Variants in RBFOX1 observed in about 807,000 individuals in gnomAD.
RBFOX1 encodes RNA binding protein fox-1 homolog 1.
In RBFOX1, 8 loss-of-function variants were observed where a neutral mutation model predicts 57.7. The observed-to-expected ratio is 0.14, with a 90% CI of 0.08 to 0.25. The LOEUF is 0.25. Among genes scored for constraint, RBFOX1 ranks in the 10% least tolerant of loss-of-function variants. The probability of loss-of-function intolerance (pLI) is 1.00; values close to 1 mark genes in which losing one functional copy is unlikely to be tolerated. For missense variants in RBFOX1, 611 were observed against 548.5 expected (o/e 1.11, Z -1.14); for synonymous variants, 326 against 222.4 (o/e 1.47, Z -4.15).
chr16:5,462,264 G>A (rs1476964430), intron 1 of RBFOX1, among the ~76,000 whole-genome samples: 4 of 150,022 alleles, frequency 2.7e-5, no homozygotes, highest in Admixed American at 6.7e-5. Flanking sequence ...CGCCTCCCGG[G>A]TTCACGCCAT....
chr16:5,432,411 A>C (rs1436079061), intron 1 of RBFOX1, among the ~76,000 whole-genome samples: 1 of 152,094 alleles, frequency 6.6e-6, no homozygotes, highest in Non-Finnish European at 1.5e-5. Flanking sequence ...ATTTAACTAG[A>C]AGACGCACCC....
chr16:6,789,292 G>T (rs186780073), intron 3 of RBFOX1, among the ~76,000 whole-genome samples: 2 of 152,294 alleles, frequency 1.3e-5, no homozygotes, highest in Admixed American at 1.3e-4. Flanking sequence ...TACAGCAGTT[G>T]ATATTTATAG....
chr16:6,991,930 A>T (rs187759017), intron 3 of RBFOX1, among the ~76,000 whole-genome samples: 73 of 152,318 alleles, frequency 4.8e-4, no homozygotes, highest in Admixed American at 3.2e-3. Flanking sequence ...TTTCTGATTC[A>T]ATCAATAGGG....
At position 6,947,170 on chromosome 16, in the gene RBFOX1, C is replaced by G. The variant is rs902353816; in HGVS notation, c.-15-104887C>G. Reference sequence around the variant, plus strand: ...TGTTCAAGGTCCAATAAATCACTGGCTGTGATTTCAACTCTTTATGTGAAG... The same window carrying G: ...TGTTCAAGGTCCAATAAATCACTGGGTGTGATTTCAACTCTTTATGTGAAG... On this transcript the variant is annotated intron_variant, in intron 3 of 15. Transcript: ENST00000550418. Among the ~76,000 whole-genome samples, 30 of 152,136 alleles carry G rather than the reference C, an allele frequency of 2.0e-4. 1 individual carries two copies. The highest frequency in any genetic ancestry group is 7.9e-4 in the Admixed American group (12 of 15,268).
At position 5,559,068 on chromosome 16, in the gene RBFOX1, G is replaced by A. The variant is rs190995369; in HGVS notation, c.259-39834G>A. 1.0e-3 allele frequency among the ~76,000 whole-genome samples: 152 copies of A among 147,768 alleles called. 1 individual carries two copies. The highest frequency in any genetic ancestry group is 3.6e-3 in the African/African-American group (145 of 39,914). On this transcript the variant is annotated intron_variant, in intron 2 of 2. Transcript: ENST00000585867. ...GTACAGAGCTGGGCTGGGGGGGTTTGCCTGAGGAAACCTGAGATTTTGATA... is the reference window on the plus strand; with the variant it reads ...GTACAGAGCTGGGCTGGGGGGGTTTACCTGAGGAAACCTGAGATTTTGATA...
chr16:7,609,011 GA>G (rs2056901601), intron 10 of RBFOX1, among the ~76,000 whole-genome samples: 1 of 152,204 alleles, frequency 6.6e-6, no homozygotes, highest in Non-Finnish European at 1.5e-5. Flanking sequence ...GGGACACACA[GA>G]ACATGGCATG....
At chr16:6,816,326 A>G (rs993654827) in intron 3 of RBFOX1, among the ~76,000 whole-genome samples, 4 of 152,316 alleles carry the variant, frequency 2.6e-5, no homozygotes, top group East Asian at 3.9e-4. Flanking sequence ...CATTCAGTCA[A>G]CAATCATTGT....
At chr16:6,939,369 C>T (rs1035986973) in intron 3 of RBFOX1, among the ~76,000 whole-genome samples, 16 of 149,084 alleles carry the variant, frequency 1.1e-4, no homozygotes, top group African/African-American at 3.8e-4. Context: ...TTTTAGGTAG[C>T]TTTATATATG....
At chr16:5,872,316 A>G (rs2151905144) in intron 4 of RBFOX1, among the ~76,000 whole-genome samples, 1 of 152,342 alleles carries the variant, frequency 6.6e-6, no homozygotes, top group East Asian at 1.9e-4. Context: ...TGATGGGTCC[A>G]CACTTGTGAG....
intron 1 of RBFOX1, among the ~76,000 whole-genome samples, chr16:6,071,353 A>G (rs1346191171): frequency 1.3e-5 from 2 of 152,194 alleles, no homozygotes; most frequent in Non-Finnish European, 2.9e-5. Flanking sequence ...AAGAAACGGT[A>G]ATGTAACCTT....
At chr16:5,772,676 G>A (rs1432694640) in intron 3 of RBFOX1, among the ~76,000 whole-genome samples, 1 of 152,210 alleles carries the variant, frequency 6.6e-6, no homozygotes, top group African/African-American at 2.4e-5. Context: ...GGGAGATAAG[G>A]AGAAACGATA....
At chr16:6,071,830 A>G (rs1258563439) in intron 1 of RBFOX1, among the ~76,000 whole-genome samples, 1 of 152,208 alleles carries the variant, frequency 6.6e-6, no homozygotes, top group Non-Finnish European at 1.5e-5. Flanking sequence ...AAGTAGAATC[A>G]TGCAATGTTT....
chr16:7,154,414 A>G (rs962698584), intron 4 of RBFOX1, among the ~76,000 whole-genome samples: 1 of 152,174 alleles, frequency 6.6e-6, no homozygotes, highest in Non-Finnish European at 1.5e-5. Flanking sequence ...GGAAGTTTGA[A>G]AGATATGGTC....
At chr16:5,753,230 T>G (rs1009022945) in intron 3 of RBFOX1, among the ~76,000 whole-genome samples, 2 of 152,096 alleles carry the variant, frequency 1.3e-5, no homozygotes, top group Non-Finnish European at 2.9e-5. Flanking sequence ...TCCTTTTTGA[T>G]GTAGCTAAGT....
At position 6,993,029 on chromosome 16, in the gene RBFOX1, A is replaced by G. The variant is rs182540547; in HGVS notation, c.-15-59028A>G. ...AATAGTTCTTGTCTGAATTTCTGAT[A>G]GATTTTAATTTCGCAGCTGGAGCCT... On this transcript the variant is annotated intron_variant, in intron 3 of 15. Transcript: ENST00000550418. 3.2e-4 allele frequency among the ~76,000 whole-genome samples: 48 copies of G among 152,296 alleles called. 2 individuals carry two copies. Among genetic ancestry groups the G allele is most frequent in the South Asian group, 2.3e-3 (11 of 4,826 alleles).
chr16:5,676,508 G>A (rs928939178), intron 3 of RBFOX1, among the ~76,000 whole-genome samples: 1 of 152,182 alleles, frequency 6.6e-6, no homozygotes, highest in African/African-American at 2.4e-5. Context: ...GTTTTTCCAT[G>A]TGCAAAATGC....
chr16:7,424,981 G>C (rs1362493005), intron 4 of RBFOX1, among the ~76,000 whole-genome samples: 1 of 152,192 alleles, frequency 6.6e-6, no homozygotes, highest in Non-Finnish European at 1.5e-5. Context: ...TTATCTTAGA[G>C]ATGGTATGAG....
chr16:7,000,596 C>CTTTTTTTTTTTTTTTTTTTTT (rs759103545), intron 3 of RBFOX1, among the ~76,000 whole-genome samples: 10 of 92,592 alleles, frequency 1.1e-4, no homozygotes, highest in Admixed American at 4.4e-4. Context: ...CTTTTTCTTT[C>CTTTTTTTTTTTTTTTTTTTTT]TTTTTTTTTT....
intron 3 of RBFOX1, among the ~76,000 whole-genome samples, chr16:7,010,529 C>T (rs1360881305): frequency 1.4e-5 from 2 of 146,822 alleles, no homozygotes; most frequent in African/African-American, 5.3e-5. Flanking sequence ...ACACTGATCA[C>T]ATCTCCCCTT....
Sources: allele counts gnomAD v4.1 joint callset (sites outside exome capture counted in the v4.1 genomes callset), GRCh38; gene constraint gnomAD v4.1.1; transcripts MANE v1.5; gene names NCBI Gene and HGNC (gene_info 2026-07-23, HGNC 2026-07-21).